Variants in LHX4 observed in about 807,000 individuals in gnomAD.
The protein encoded by LHX4 is LIM/homeobox protein Lhx4.
Under a neutral mutation model 39.2 loss-of-function variants are expected in LHX4, and 16 were observed. That is an observed-to-expected ratio of 0.41 (90% CI 0.28 to 0.62). LHX4 has a LOEUF of 0.62. Among genes scored for constraint, LHX4 ranks in the 20% least tolerant of loss-of-function variants. The pLI is 0.33. For missense variants in LHX4, 439 were observed against 511.9 expected (o/e 0.86, Z 1.37); for synonymous variants, 206 against 198.1 (o/e 1.04, Z -0.33).
Position 180,234,609 on chromosome 1 carries a change from C to T in LHX4, c.76+4004C>T, listed in dbSNP as rs929332613. Among the ~76,000 whole-genome samples the T allele has an allele frequency of 2.0e-5, 3 of 152,240 alleles. No individual in the cohort carries two copies. The highest frequency in any genetic ancestry group is 2.9e-5 in the Non-Finnish European group (2 of 68,046). On this transcript the variant is annotated intron_variant, in intron 1 of 5. Coordinates refer to ENST00000263726, the MANE Select transcript of LHX4 (RefSeq NM_033343.4). The surrounding 1 kb of genome is among the most constrained non-coding windows in gnomAD (Gnocchi z 4.8). ...GAGGGAAGCTTGGAAAGCCGCTGTC[C>T]CAGTGCGCTCCGCATGCGGAATTAA...
intron 2 of LHX4, among the ~76,000 whole-genome samples, chr1:180,250,953 G>A (rs1430594369): frequency 6.6e-6 from 1 of 152,194 alleles, no homozygotes; most frequent in Non-Finnish European, 1.5e-5. Context: ...CCTGGGCCTT[G>A]CCCCTGGCTC....
chr1:180,271,974 G>A lies in LHX4; in HGVS notation c.746G>A (p.Cys249Tyr). ...KQEKESSAED[C>Y]GVSDSELSFR... ...GAGAAGGAGAGCTCTGCAGAGGACT[G>A]TGGGGTTAGTGACAGTGAGCTGAGC... The change falls in exon 5 of 6, where the codon TGT (cysteine) becomes TAT (tyrosine). Residue 249 changes from cysteine to tyrosine, a missense_variant. By Grantham distance (194) the Cys-to-Tyr change is radical. Transcript: ENST00000263726. The A allele has an allele frequency of 6.2e-7, 1 of 1,613,162 alleles. No homozygotes were observed. Among genetic ancestry groups the A allele is most frequent in the Non-Finnish European group, 8.5e-7 (1 of 1,179,854 alleles).
At chr1:180,231,621 G>T (rs1277722773) in intron 1 of LHX4, among the ~76,000 whole-genome samples, 1 of 147,824 alleles carries the variant, frequency 6.8e-6, no homozygotes, top group Non-Finnish European at 1.5e-5. Flanking sequence ...TGCACGCTCA[G>T]CAGGGCGCCC....
In LHX4 at chr1:180,278,267, A is replaced by AGTT. The variant is rs781349198; in HGVS notation, c.*3689_*3691dup. 2.0e-5 allele frequency: 3 copies of AGTT among 152,170 alleles called. No individual in the cohort carries two copies. Among genetic ancestry groups the AGTT allele is most frequent in the Admixed American group, 6.5e-5 (1 of 15,284 alleles). The allele number at this position is 152,170 out of a possible 1,614,324, so 9.4% of individuals were successfully genotyped here. A position where few individuals can be genotyped will look rare whatever the true frequency, so the allele number is the denominator to read the frequency against. Reference sequence around the variant, plus strand: ...AGAAAAATTCAATTAAGCGGAAATGAGTTTTGTTTTATTGCCTGCTGCTGA... The same window carrying AGTT: ...AGAAAAATTCAATTAAGCGGAAATGAGTTGTTTTGTTTTATTGCCTGCTGCTGA... On this transcript the variant is annotated 3_prime_UTR_variant, in exon 6 of 6. Transcript: ENST00000263726.
In LHX4 at chr1:180,274,735, C is replaced by T; in HGVS notation, c.*156C>T. On this transcript the variant is annotated 3_prime_UTR_variant, in exon 6 of 6. Transcript: ENST00000263726. ...GCTGATTCCTAGAAGGCTGTGAGAC[C>T]ACACTAGGGCATTGTTTCCCTGGGG... 1.2e-6 allele frequency: 1 copy of T among 820,270 alleles called. No individual in the cohort carries two copies. The allele number at this position is 820,270 out of a possible 1,614,324, so 50.8% of individuals were successfully genotyped here.
upstream of LHX4, among the ~76,000 whole-genome samples, chr1:180,229,979 C>G (rs1280345104): frequency 2.7e-5 from 2 of 74,720 alleles, no homozygotes; most frequent in Admixed American, 1.1e-4. Context: ...GGGGGGGTGC[C>G]GGCTTGCGAG....
In LHX4 at chr1:180,234,512, ACTCCCAAGGGGCGAGAGGGCTCCGGC is replaced by A. The variant is rs1476231461; in HGVS notation, c.76+3912_76+3937del. Among the ~76,000 whole-genome samples the A allele has an allele frequency of 4.6e-5, 7 of 151,692 alleles. No homozygotes were observed. The highest frequency in any genetic ancestry group is 2.0e-4 in the East Asian group (1 of 5,100). On this transcript the variant is annotated intron_variant, in intron 1 of 5. Transcript: ENST00000263726. The surrounding 1 kb of genome is among the most constrained non-coding windows in gnomAD (Gnocchi z 4.8). ...CGCTTGGGACAGCGGATGGCTGAGGACTCCCAAGGGGCGAGAGGGCTCCGGCCTCCTCCTTTCCAGGGCCTTGTTAT... is the reference window on the plus strand; with the variant it reads ...CGCTTGGGACAGCGGATGGCTGAGGACTCCTCCTTTCCAGGGCCTTGTTAT...
chr1:180,266,654 G>C lies in LHX4; in HGVS notation c.451+60G>C, dbSNP rs878982591. The C allele has an allele frequency of 4.6e-6, 7 of 1,523,814 alleles. No individual in the cohort carries two copies. The South Asian group carries it at 8.1e-5, about 18-fold the overall frequency. 94.4% of individuals were successfully genotyped at this position (1,523,814 alleles called of 1,614,324 possible). On this transcript the variant is annotated intron_variant, in intron 3 of 5. Transcript: ENST00000263726. The surrounding 1 kb of genome is among the most constrained non-coding windows in gnomAD (Gnocchi z 5.7). ...GGCCTTTGTTTGGGCCACGCCCTCT[G>C]CCTGAGGTGCCCTTCTCATGGCGTC...
chr1:180,241,244 T>C (rs960196424), intron 1 of LHX4, among the ~76,000 whole-genome samples: 8 of 152,224 alleles, frequency 5.3e-5, no homozygotes, highest in Non-Finnish European at 2.9e-5. Flanking sequence ...GACTGAGCCC[T>C]TGTAATACTG....
intron 2 of LHX4, 36 bp downstream of exon 2, chr1:180,248,492 G>T (rs1228106682): frequency 1.2e-6 from 2 of 1,610,582 alleles, no homozygotes; most frequent in Middle Eastern, 1.8e-4. Context: ...GCCCTGGCCT[G>T]TCTCTGCCTC....
In LHX4 at chr1:180,234,169, T is replaced by TTATGTA. The variant is rs1664249074; in HGVS notation, c.76+3567_76+3568insGTATAT. On this transcript the variant is annotated intron_variant, in intron 1 of 5. Transcript: ENST00000263726. This position sits in a 1 kb window ranked among gnomAD's most constrained non-coding sequence, Gnocchi z 4.8. ...AACAGACACACACAACACACACAAA[T>TTATGTA]TATATATATATATATATATATATAT... Among the ~76,000 whole-genome samples, 1 of 53,610 alleles carries TTATGTA rather than the reference T, an allele frequency of 1.9e-5. No homozygotes were observed. Among genetic ancestry groups the TTATGTA allele is most frequent in the South Asian group, 6.7e-4 (1 of 1,486 alleles). 35.2% of individuals were successfully genotyped at this position (53,610 alleles called of 152,430 possible). A position where few individuals can be genotyped will look rare whatever the true frequency, so the allele number is the denominator to read the frequency against.
rs1648341004 is a variant in LHX4 at position 180,266,872 on chromosome 1, C to G, written c.451+278C>G. 6.6e-6 allele frequency among the ~76,000 whole-genome samples: 1 copy of G among 152,234 alleles called. No homozygotes were observed. The highest frequency in any genetic ancestry group is 2.4e-5 in the African/African-American group (1 of 41,460). On this transcript the variant is annotated intron_variant, in intron 3 of 5. Transcript: ENST00000263726. The surrounding 1 kb of genome is among the most constrained non-coding windows in gnomAD (Gnocchi z 5.7). ...GGTAGGCTCAGAAGCAGCCAAGAAC[C>G]TGGTTGTTACCATGGTGGTGGCCTC...
Position 180,272,033 on chromosome 1 carries a change from G to A in LHX4, c.778+27G>A, listed in dbSNP as rs368258723. 20 of 1,596,124 alleles carry A rather than the reference G, an allele frequency of 1.3e-5. No individual in the cohort carries two copies. In the African/African-American group the frequency reaches 1.9e-4, roughly 15 times the overall value. On this transcript the variant is annotated intron_variant, in intron 5 of 5. Coordinates refer to ENST00000263726, the MANE Select transcript of LHX4 (RefSeq NM_033343.4). ...TGAGCAGGGCTGGAGGGGCCAGGCC[G>A]AGGCCTTAGGAAAGTCCCCTGGGAA...
intron 2 of LHX4, among the ~76,000 whole-genome samples, chr1:180,257,892 T>C (rs1284434700): frequency 3.9e-5 from 6 of 152,164 alleles, no homozygotes; most frequent in Non-Finnish European, 8.8e-5. Context: ...TGAGTTCAAA[T>C]CCCAGCTCCA....
chr1:180,248,385 C>T lies in LHX4; in HGVS notation c.177C>T (p.Asp59=), dbSNP rs1647470183. The change falls in exon 2 of 6, where the codon GAC becomes GAT. Residue 59 remains aspartate (D), a synonymous_variant. Transcript: ENST00000263726. ...HWHSSCLKCA[D]CQMQLADRCF... ...ACAGCTCCTGCCTCAAGTGTGCAGA[C>T]TGCCAGATGCAGCTGGCGGACAGGT... 1.9e-6 allele frequency: 3 copies of T among 1,614,152 alleles called. No homozygotes were observed. Among genetic ancestry groups the T allele is most frequent in the African/African-American group, 1.3e-5 (1 of 74,956 alleles).
rs546061737 is a variant in LHX4 at position 180,252,693 on chromosome 1, C to T, written c.248+4237C>T. Among the ~76,000 whole-genome samples the T allele has an allele frequency of 8.2e-4, 125 of 152,260 alleles. No homozygotes were observed. In the Middle Eastern group the frequency reaches 0.014, roughly 17 times the overall value. On this transcript the variant is annotated intron_variant, in intron 2 of 5. Coordinates refer to ENST00000263726, the MANE Select transcript of LHX4 (RefSeq NM_033343.4). ...AGTTCTGCAGATCAATACGGAGATA[C>T]GGAGAGTACCCACTGGAGGTGGGTA... is the stretch of plus-strand genomic sequence containing the variant.
rs1001194044 is a variant in LHX4, at chr1:180,276,375, G to A, written c.*1796G>A. The A allele has an allele frequency of 8.5e-5, 13 of 152,280 alleles. No individual in the cohort carries two copies. Among genetic ancestry groups the A allele is most frequent in the East Asian group, 1.9e-4 (1 of 5,188 alleles). The allele number at this position is 152,280 out of a possible 1,614,324, so 9.4% of individuals were successfully genotyped here. A position where few individuals can be genotyped will look rare whatever the true frequency, so the allele number is the denominator to read the frequency against. On this transcript the variant is annotated 3_prime_UTR_variant, in exon 6 of 6. Transcript: ENST00000263726. ...TAAGTTCTTTAAAACAGTAAATTCC[G>A]GGATCAGCCTTCGGGCCCTCTTCTC...
rs773745059 is a variant in LHX4, at chr1:180,263,452, T to TGCAGG, written c.249-2937_249-2933dup. ...ACTGGAGATGGGGTGGAGGGTGATCTGCAGGGCTGGGCTGGGCCGGGGGAG... is the reference window on the plus strand; with the variant it reads ...ACTGGAGATGGGGTGGAGGGTGATCTGCAGGGCAGGGCTGGGCTGGGCCGGGGGAG... On this transcript the variant is annotated intron_variant, in intron 2 of 5. Transcript: ENST00000263726. Among the ~76,000 whole-genome samples the TGCAGG allele has an allele frequency of 7.1e-4, 107 of 151,756 alleles. 1 individual carries two copies. The highest frequency in any genetic ancestry group is 9.9e-4 in the Non-Finnish European group (67 of 67,958).
chr1:180,237,871 G>C (rs1480092566), intron 1 of LHX4, among the ~76,000 whole-genome samples: 1 of 152,192 alleles, frequency 6.6e-6, no homozygotes, highest in Non-Finnish European at 1.5e-5. Context: ...TACAGAGTGA[G>C]ACATTAGAAA....
Sources: allele counts gnomAD v4.1 joint callset (sites outside exome capture counted in the v4.1 genomes callset), GRCh38; gene constraint gnomAD v4.1.1; non-coding constraint Gnocchi (gnomAD v3.1); transcripts MANE v1.5; gene names NCBI Gene and HGNC (gene_info 2026-07-23, HGNC 2026-07-21).